The following MGAT4A variants were observed in gnomAD, a reference collection of about 807,000 sequenced individuals.
MGAT4A encodes the protein N-acetylglucosaminyltransferase IVa.
MGAT4A carries 33 observed loss-of-function variants against 74.1 expected under a neutral mutation model. That is an observed-to-expected ratio of 0.45 (90% CI 0.34 to 0.60). The LOEUF is 0.60. Ranked by LOEUF, MGAT4A falls within the 20% of genes least tolerant of loss-of-function variation. MGAT4A has a pLI of 0.02. For missense variants in MGAT4A, 479 were observed against 628.3 expected, an observed-to-expected ratio of 0.76 and a Z score of 2.54; for synonymous variants, 198 against 210.4, an observed-to-expected ratio of 0.94 and a Z score of 0.51.
At chr2:98,702,446 G>A (rs1462154106) in intron 2 of MGAT4A, among the ~76,000 whole-genome samples, 2 of 152,160 alleles carry the variant, frequency 1.3e-5, no homozygotes, top group Non-Finnish European at 2.9e-5. Flanking sequence ...GGCTGTAGGG[G>A]GCTTATAAAG....
chr2:98,694,619 T>A (rs1360023228), intron 2 of MGAT4A: 3 of 89,698 alleles, frequency 3.3e-5, no homozygotes, highest in Non-Finnish European at 9.6e-5. Context: ...AGGTCAGGAG[T>A]TCGAGGCCAG....
intron 3 of MGAT4A, among the ~76,000 whole-genome samples, 160 bp downstream of exon 3, chr2:98,678,144 G>T (rs1702003396): frequency 6.6e-6 from 1 of 150,572 alleles, no homozygotes; most frequent in African/African-American, 2.4e-5. Flanking sequence ...GCAGAAGAAT[G>T]GTGTGAACCC....
chr2:98,669,321 TA>T (rs1701879604), intron 4 of MGAT4A, among the ~76,000 whole-genome samples: 1 of 152,180 alleles, frequency 6.6e-6, no homozygotes, highest in Admixed American at 6.5e-5. Context: ...CTGATGGTTT[TA>T]AAAGGAGGAG....
At chr2:98,714,599 G>A (rs371767199) in intron 2 of MGAT4A, among the ~76,000 whole-genome samples, 10 of 152,232 alleles carry the variant, frequency 6.6e-5, no homozygotes, top group Admixed American at 2.0e-4. Flanking sequence ...TGCCACGGTA[G>A]GAATGAGCAC....
intron 12 of MGAT4A, among the ~76,000 whole-genome samples, chr2:98,638,261 CA>C (rs919963751): frequency 7.2e-5 from 11 of 151,840 alleles, no homozygotes; most frequent in African/African-American, 2.7e-4. Flanking sequence ...TTTTATTTTT[CA>C]AAAAATCCTT....
rs144774901 is a variant in MGAT4A at position 98,639,819 on chromosome 2, G to C, written c.1311C>G (p.Val437=). The C allele has an allele frequency of 9.9e-6, 16 of 1,610,240 alleles. No homozygotes were observed. Among genetic ancestry groups the C allele is most frequent in the Admixed American group, 1.7e-5 (1 of 59,312 alleles). The change falls in exon 12 of 16, where the codon GTC becomes GTG. Residue 437 remains valine, a synonymous_variant. Coordinates refer to ENST00000393487, the MANE Select transcript of MGAT4A (RefSeq NM_012214.3). The part of the protein sequence containing the change: ...DYILFKFDKP[V]NVESYLFHSG... ...CAATAATCACCAACCTTTCTACATT[G>C]ACTGGTTTATCAAATTTAAACAAGA...
chr2:98,710,644 C>T (rs1702502617), intron 2 of MGAT4A, among the ~76,000 whole-genome samples: 1 of 151,934 alleles, frequency 6.6e-6, no homozygotes, highest in African/African-American at 2.4e-5. Context: ...ATTTTTAGTA[C>T]AGATGGGGGG....
intron 8 of MGAT4A, among the ~76,000 whole-genome samples, chr2:98,649,670 C>A (rs1174933): frequency 4.6e-5 from 7 of 152,042 alleles, no homozygotes; most frequent in Non-Finnish European, 1.0e-4. Flanking sequence ...TGCTGCAGAG[C>A]TCCTGACTAG....
At chr2:98,667,630 C>T (rs1020108601) in intron 4 of MGAT4A, among the ~76,000 whole-genome samples, 6 of 152,126 alleles carry the variant, frequency 3.9e-5, no homozygotes, top group African/African-American at 1.4e-4. Flanking sequence ...TGGTATCTGG[C>T]AGAAGAAATT....
intron 8 of MGAT4A, among the ~76,000 whole-genome samples, chr2:98,652,850 C>G (rs1432030306): frequency 6.6e-6 from 1 of 151,866 alleles, no homozygotes. Flanking sequence ...CTCTTGAACT[C>G]CTGAACTCAA....
chr2:98,690,086 C>G (rs753825659), intron 2 of MGAT4A, among the ~76,000 whole-genome samples: 1 of 152,072 alleles, frequency 6.6e-6, no homozygotes, highest in African/African-American at 2.4e-5. Flanking sequence ...GGACAGAAAA[C>G]GTCAGACAAT....
intron 8 of MGAT4A, among the ~76,000 whole-genome samples, chr2:98,653,393 G>C (rs1559160117): frequency 6.8e-6 from 1 of 148,042 alleles, no homozygotes; most frequent in South Asian, 2.2e-4. Flanking sequence ...GAAACCTAGA[G>C]TTGGTTTTTG....
At position 98,623,188 on chromosome 2, in the gene MGAT4A, G is replaced by C; in HGVS notation, c.*2378C>G. The C allele has an allele frequency of 1.0e-6, 1 of 985,400 alleles. No homozygotes were observed. Among genetic ancestry groups the C allele is most frequent in the Non-Finnish European group, 1.2e-6 (1 of 829,950 alleles). 61.0% of individuals were successfully genotyped at this position (985,400 alleles called of 1,614,324 possible). ...GTCCTGGAATGATAGGAAAGATTTG[G>C]CTAAAAGGAGTCTTGGGAACAAGAA... On this transcript the variant is annotated 3_prime_UTR_variant, in exon 16 of 16. Coordinates refer to ENST00000393487, the MANE Select transcript of MGAT4A (RefSeq NM_012214.3).
At chr2:98,680,624 A>G (rs1575266093) in intron 2 of MGAT4A, among the ~76,000 whole-genome samples, 1 of 152,348 alleles carries the variant, frequency 6.6e-6, no homozygotes, top group African/African-American at 2.4e-5. Flanking sequence ...GAGAAGAGGT[A>G]GGACAGAGAA....
intron 2 of MGAT4A, 102 bp from the exon 3 acceptor site, chr2:98,678,573 CA>C: frequency 1.4e-6 from 1 of 721,762 alleles, no homozygotes; most frequent in Admixed American, 4.0e-5. Flanking sequence ...TTGAGTTTTT[CA>C]GAAGAAAATA....
chr2:98,638,592 G>A (rs550077397), intron 12 of MGAT4A, among the ~76,000 whole-genome samples: 1 of 152,286 alleles, frequency 6.6e-6, no homozygotes, highest in Non-Finnish European at 1.5e-5. Context: ...ATCTCAAAGT[G>A]CAGAGTATTA....
intron 2 of MGAT4A, among the ~76,000 whole-genome samples, chr2:98,689,557 C>CCA (rs1702168283): frequency 6.6e-6 from 1 of 152,162 alleles, no homozygotes; most frequent in Non-Finnish European, 1.5e-5. Context: ...GGCACCATGG[C>CCA]TCACATCCAT....
intron 12 of MGAT4A, 116 bp from the exon 13 acceptor site, chr2:98,636,711 T>C (rs1701327697): frequency 1.3e-6 from 1 of 785,940 alleles, no homozygotes; most frequent in Non-Finnish European, 2.2e-6. Context: ...GCAAGCAAAG[T>C]TGACAACGCT....
Position 98,619,191 on chromosome 2 carries a change from C to T in MGAT4A, c.*6375G>A, listed in dbSNP as rs1163683952. ...TTTATTTCAAATACACATGAACGGT[C>T]GTGGCACAGAGAAACAGTGATGAAG... is the stretch of plus-strand genomic sequence containing the variant. On this transcript the variant is annotated 3_prime_UTR_variant, in exon 16 of 16. Coordinates refer to ENST00000393487, the MANE Select transcript of MGAT4A (RefSeq NM_012214.3). The T allele has an allele frequency of 6.6e-6, 1 of 152,448 alleles. No individual in the cohort carries two copies. The highest frequency in any genetic ancestry group is 2.4e-5 in the African/African-American group (1 of 41,384). 9.4% of individuals were successfully genotyped at this position (152,448 alleles called of 1,614,324 possible).
Sources: gnomAD v4.1 joint callset for allele counts (sites outside exome capture counted in the v4.1 genomes callset) on GRCh38, gnomAD v4.1.1 for gene constraint, MANE v1.5 for transcripts, NCBI Gene and HGNC (gene_info 2026-07-23, HGNC 2026-07-21) for gene names.